Variants in DCDC2C observed in about 807,000 individuals in gnomAD.
The protein encoded by DCDC2C is doublecortin domain containing 2C, also known as doublecortin domain-containing protein 2C.
DCDC2C carries 44 observed loss-of-function variants against 45.0 expected under a neutral mutation model. The ratio of observed to expected loss-of-function variants is 0.98; its 90% CI spans 0.77 to 1.26. The LOEUF (loss-of-function observed/expected upper bound fraction) is 1.26, where lower values mean the gene tolerates loss of function less well. Ranked by LOEUF, DCDC2C falls within the 50% of genes most tolerant of loss-of-function variation. The pLI, the probability that DCDC2C is intolerant of heterozygous loss-of-function variation, is 0.00. For synonymous variants in DCDC2C, 187 were observed against 178.8 expected, an observed-to-expected ratio of 1.05 and a Z score of -0.37; for missense variants, 447 against 468.9, an observed-to-expected ratio of 0.95 and a Z score of 0.43.
intron 10 of DCDC2C, among the ~76,000 whole-genome samples, chr2:3,822,565 A>C (rs901173528): frequency 1.0e-4 from 15 of 150,632 alleles, no homozygotes; most frequent in African/African-American, 3.7e-4. Flanking sequence ...TTTTTCCAAA[A>C]ATCTAGCTTT....
rs886157701 is a variant in DCDC2C, at chr2:3,703,886, G to C, written c.135G>C (p.Ala45=). 7.6e-7 allele frequency: 1 copy of C among 1,314,154 alleles called. No individual in the cohort carries two copies. Among genetic ancestry groups the C allele is most frequent in the Admixed American group, 3.9e-5 (1 of 25,580 alleles). The allele number at this position is 1,314,154 out of a possible 1,614,324, so 81.4% of individuals were successfully genotyped here. Residue 45 remains alanine, a synonymous_variant, in exon 1 of 11, where the codon GCG becomes GCC. Transcript: ENST00000399143. The surrounding 1 kb of genome is among the most constrained non-coding windows in gnomAD (Gnocchi z 4.4). ...GGCGCCGCGCGGCCACCTTCGAGGCGCTGCTGGAGCAGCTCACGGAGCAGG... is the reference window on the plus strand; with the variant it reads ...GGCGCCGCGCGGCCACCTTCGAGGCCCTGCTGGAGCAGCTCACGGAGCAGG... ...LSRRRAATFE[A]LLEQLTEQVD... is the part of the protein sequence containing the mutation.
chr2:3,836,964 C>T (rs1418692879), intron 10 of DCDC2C, among the ~76,000 whole-genome samples: 1 of 151,816 alleles, frequency 6.6e-6, no homozygotes, highest in Non-Finnish European at 1.5e-5. Flanking sequence ...CAAAGTAAAA[C>T]GTTAAAAGGA....
intron 10 of DCDC2C, among the ~76,000 whole-genome samples, chr2:3,797,011 G>A (rs1558232084): frequency 6.6e-6 from 1 of 152,098 alleles, no homozygotes; most frequent in Non-Finnish European, 1.5e-5. Context: ...GACTCTTTTT[G>A]GTTGGTAAGC....
chr2:3,717,241 T>C (rs1668373528), intron 2 of DCDC2C, among the ~76,000 whole-genome samples: 1 of 152,144 alleles, frequency 6.6e-6, no homozygotes, highest in Non-Finnish European at 1.5e-5. Flanking sequence ...TCTCTCAAAG[T>C]CAGGACCCAC....
intron 9 of DCDC2C, among the ~76,000 whole-genome samples, chr2:3,783,936 T>C (rs1255719834): frequency 6.6e-6 from 1 of 152,212 alleles, no homozygotes; most frequent in Non-Finnish European, 1.5e-5. Flanking sequence ...AGAAAATATT[T>C]GCAATACAAA....
Position 3,767,735 on chromosome 2 carries a change from T to G in DCDC2C, c.727-19T>G. The G allele has an allele frequency of 1.3e-6, 2 of 1,550,254 alleles. No homozygotes were observed. The highest frequency in any genetic ancestry group is 1.7e-6 in the Non-Finnish European group (2 of 1,146,732). On this transcript the variant is annotated intron_variant, in intron 6 of 10. Coordinates refer to ENST00000399143, the MANE Select transcript of DCDC2C (RefSeq NM_001287444.2). ...CCCACTGTTCTTAATGGACTTTCTC[T>G]TCTTCATTTGTCCTGTAGGTGGACT...
chr2:3,820,303 C>G (rs1671656215), intron 10 of DCDC2C, among the ~76,000 whole-genome samples: 1 of 152,038 alleles, frequency 6.6e-6, no homozygotes, highest in Non-Finnish European at 1.5e-5. Context: ...AGTTTTAGGT[C>G]AGGCAAGAGT....
At position 3,747,445 on chromosome 2, in the gene DCDC2C, G is replaced by T. The variant is rs566455771; in HGVS notation, c.546-5318G>T. Among the ~76,000 whole-genome samples the T allele has an allele frequency of 2.6e-5, 4 of 152,358 alleles. No individual in the cohort carries two copies. In the South Asian group the frequency reaches 8.3e-4, roughly 32 times the overall value. ...GCCCCCACCCCAAAGGCAGTGAAAG[G>T]TCTGAGGGAGGCGAAGTGGGCCATT... On this transcript the variant is annotated intron_variant, in intron 4 of 10. Transcript: ENST00000399143.
At chr2:3,826,571 AG>A (rs1402954167) in intron 10 of DCDC2C, among the ~76,000 whole-genome samples, 2 of 152,076 alleles carry the variant, frequency 1.3e-5, no homozygotes. Flanking sequence ...CTGCCCCACG[AG>A]GTCACAGGTC....
intron 2 of DCDC2C, among the ~76,000 whole-genome samples, chr2:3,719,546 C>T (rs530333029): frequency 2.0e-5 from 3 of 152,224 alleles, no homozygotes; most frequent in South Asian, 2.1e-4. Context: ...TTAGAGTTGA[C>T]GTGGGTTGGA....
chr2:3,835,059 G>A (rs756503039), intron 10 of DCDC2C, among the ~76,000 whole-genome samples: 3 of 152,188 alleles, frequency 2.0e-5, no homozygotes, highest in African/African-American at 4.8e-5. Context: ...TTGCTCCAAA[G>A]CTTCCATTAT....
intron 10 of DCDC2C, among the ~76,000 whole-genome samples, chr2:3,809,072 G>C (rs1671326916): frequency 6.6e-6 from 1 of 152,104 alleles, no homozygotes; most frequent in Non-Finnish European, 1.5e-5. Flanking sequence ...GTGTTGGTTT[G>C]TTTCTGGACT....
intron 6 of DCDC2C, among the ~76,000 whole-genome samples, chr2:3,766,018 A>G (rs1214304521): frequency 3.3e-5 from 5 of 152,134 alleles, no homozygotes; most frequent in Non-Finnish European, 5.9e-5. Flanking sequence ...GTGTAATGAC[A>G]TGGTGCCTCC....
chr2:3,763,916 C>T (rs1669951190), intron 6 of DCDC2C, among the ~76,000 whole-genome samples: 1 of 152,174 alleles, frequency 6.6e-6, no homozygotes, highest in Admixed American at 6.5e-5. Flanking sequence ...TGAATGAATT[C>T]ACCCACCAGA....
chr2:3,748,542 G>A (rs357974), intron 4 of DCDC2C, among the ~76,000 whole-genome samples: 4 of 151,968 alleles, frequency 2.6e-5, no homozygotes, highest in African/African-American at 7.2e-5. Flanking sequence ...TTTTGGACGC[G>A]TCCAGTTGGT....
intron 2 of DCDC2C, among the ~76,000 whole-genome samples, chr2:3,725,336 C>A (rs1224104442): frequency 1.3e-5 from 2 of 151,970 alleles, no homozygotes; most frequent in East Asian, 1.9e-4. Context: ...AGCAGAGGCC[C>A]CGGGAAGCAC....
chr2:3,730,183 G>A (rs72771218), intron 3 of DCDC2C, among the ~76,000 whole-genome samples: 14 of 152,244 alleles, frequency 9.2e-5, no homozygotes, highest in Admixed American at 2.6e-4. Flanking sequence ...AGGCACAGTC[G>A]CTCAAGCCTG....
intron 3 of DCDC2C, among the ~76,000 whole-genome samples, chr2:3,732,237 A>G (rs1159099939): frequency 1.3e-5 from 2 of 151,750 alleles, no homozygotes; most frequent in East Asian, 3.9e-4. Context: ...AGGCAGGAGA[A>G]TCTATGGGCT....
chr2:3,707,611 T>C (rs1668099630), intron 1 of DCDC2C, among the ~76,000 whole-genome samples: 2 of 152,230 alleles, frequency 1.3e-5, no homozygotes, highest in African/African-American at 4.8e-5. Flanking sequence ...AAATAGAGGA[T>C]TTGATTGTTC....
Sources: gnomAD v4.1 joint callset for allele counts (sites outside exome capture counted in the v4.1 genomes callset) on GRCh38, gnomAD v4.1.1 for gene constraint, Gnocchi (gnomAD v3.1) non-coding constraint, MANE v1.5 for transcripts, NCBI Gene and HGNC (gene_info 2026-07-23, HGNC 2026-07-21) for gene names.